HCN1: variants seen among roughly 807,000 people sequenced by gnomAD.
The protein encoded by HCN1 is hyperpolarization activated cyclic nucleotide gated potassium channel 1.
In HCN1, 13 loss-of-function variants were observed where a neutral mutation model predicts 78.9. The observed-to-expected ratio is 0.16, with a 90% confidence interval of 0.11 to 0.26. The LOEUF (loss-of-function observed/expected upper bound fraction) is 0.26. Ranked by LOEUF, HCN1 falls within the 10% of genes least tolerant of loss-of-function variation. The pLI is 1.00. For synonymous variants in HCN1, 552 were observed against 455.5 expected (o/e 1.21, Z -2.70); for missense variants, 810 against 1,154.3 (o/e 0.70, Z 4.32).
chr5:45,374,805 A>T (rs558365297), intron 4 of HCN1, among the ~76,000 whole-genome samples: 25 of 147,640 alleles, frequency 1.7e-4, no homozygotes, highest in East Asian at 5.9e-4. Context: ...TATATATATA[A>T]AACCATATAT....
At chr5:45,549,816 C>T (rs1232073531) in intron 2 of HCN1, among the ~76,000 whole-genome samples, 4 of 152,114 alleles carry the variant, frequency 2.6e-5, no homozygotes, top group African/African-American at 9.7e-5. Context: ...AAGCAAACAA[C>T]CCCATCAAAA....
At chr5:45,666,045 T>C (rs1028362169) in intron 1 of HCN1, among the ~76,000 whole-genome samples, 1 of 152,020 alleles carries the variant, frequency 6.6e-6, no homozygotes, top group Non-Finnish European at 1.5e-5. Context: ...CCATGCCCAA[T>C]TGAGCTTACC....
intron 6 of HCN1, among the ~76,000 whole-genome samples, chr5:45,290,575 A>T (rs1054248387): frequency 1.3e-5 from 2 of 152,102 alleles, no homozygotes; most frequent in Non-Finnish European, 2.9e-5. Context: ...TTGTAAAAAA[A>T]AGACACCATT....
chr5:45,375,920 T>A (rs868509955), intron 4 of HCN1, among the ~76,000 whole-genome samples: 4 of 122,606 alleles, frequency 3.3e-5, no homozygotes, highest in Non-Finnish European at 6.3e-5. Flanking sequence ...ATCTTATATA[T>A]TATATATGAT....
At chr5:45,594,531 A>C (rs1744444345) in intron 2 of HCN1, among the ~76,000 whole-genome samples, 1 of 152,224 alleles carries the variant, frequency 6.6e-6, no homozygotes, top group Admixed American at 6.5e-5. Context: ...ACTGCTATGG[A>C]AAATTCTAAC....
At chr5:45,409,895 G>A (rs751683125) in intron 3 of HCN1, among the ~76,000 whole-genome samples, 1 of 151,354 alleles carries the variant, frequency 6.6e-6, no homozygotes, top group Non-Finnish European at 1.5e-5. Context: ...TTCAAATCTA[G>A]TATGTAAGGA....
chr5:45,394,894 A>C (rs931775862), intron 4 of HCN1, among the ~76,000 whole-genome samples: 1 of 152,200 alleles, frequency 6.6e-6, no homozygotes, highest in Non-Finnish European at 1.5e-5. Flanking sequence ...GGGTTATACT[A>C]GTTTTCTTGT....
At chr5:45,387,352 CT>C (rs1201302672) in intron 4 of HCN1, among the ~76,000 whole-genome samples, 2 of 151,822 alleles carry the variant, frequency 1.3e-5, no homozygotes, top group African/African-American at 4.8e-5. Context: ...TACAAATTTC[CT>C]TTTCTTAAGA....
At chr5:45,352,997 G>A in intron 5 of HCN1, 103 bp downstream of exon 5, 1 of 933,852 alleles carries the variant, frequency 1.1e-6, no homozygotes, top group Non-Finnish European at 1.7e-6. Flanking sequence ...ATCTTAATAA[G>A]TTTAGGTTTT....
chr5:45,607,081 T>A (rs1744739000), intron 2 of HCN1, among the ~76,000 whole-genome samples: 1 of 151,828 alleles, frequency 6.6e-6, no homozygotes. Context: ...CCATGAACAC[T>A]GTTATGCCTT....
chr5:45,325,792 C>T (rs1393789997), intron 5 of HCN1, among the ~76,000 whole-genome samples: 4 of 151,670 alleles, frequency 2.6e-5, no homozygotes, highest in African/African-American at 9.6e-5. Flanking sequence ...TAAAGGATTT[C>T]CCATGATTTC....
intron 2 of HCN1, among the ~76,000 whole-genome samples, chr5:45,512,875 A>G (rs919935392): frequency 6.6e-6 from 1 of 152,156 alleles, no homozygotes; most frequent in Admixed American, 6.6e-5. Flanking sequence ...AAAGGCAAAT[A>G]TGAGGTTTTT....
intron 2 of HCN1, among the ~76,000 whole-genome samples, chr5:45,581,580 C>T (rs1351731970): frequency 6.6e-6 from 1 of 152,162 alleles, no homozygotes; most frequent in Non-Finnish European, 1.5e-5. Flanking sequence ...GTGTTTTAAA[C>T]ATGAAGTCCT....
intron 5 of HCN1, among the ~76,000 whole-genome samples, chr5:45,308,029 A>G (rs961538262): frequency 3.9e-5 from 6 of 152,116 alleles, no homozygotes; most frequent in Non-Finnish European, 1.5e-5. Context: ...TGTTTCAGTC[A>G]TGGGGGAGAA....
intron 2 of HCN1, among the ~76,000 whole-genome samples, chr5:45,520,073 T>C (rs1742585374): frequency 6.6e-6 from 1 of 152,068 alleles, no homozygotes. Flanking sequence ...ATATGGGCAT[T>C]AATCACTATA....
intron 3 of HCN1, among the ~76,000 whole-genome samples, chr5:45,434,498 T>C (rs1446807503): frequency 1.3e-5 from 2 of 152,176 alleles, no homozygotes; most frequent in African/African-American, 2.4e-5. Flanking sequence ...TACTAGAACG[T>C]AGAAATTAAA....
At chr5:45,376,680 T>A (rs139577013) in intron 4 of HCN1, among the ~76,000 whole-genome samples, 1 of 152,032 alleles carries the variant, frequency 6.6e-6, no homozygotes, top group Non-Finnish European at 1.5e-5. Context: ...TATGTTTATA[T>A]CTTCATGAGG....
intron 6 of HCN1, among the ~76,000 whole-genome samples, chr5:45,285,195 C>G (rs184758953): frequency 6.6e-6 from 1 of 151,984 alleles, no homozygotes; most frequent in Non-Finnish European, 1.5e-5. Flanking sequence ...CTTTGACACA[C>G]TACTATTCAA....
At chr5:45,366,343 T>C (rs1215351835) in intron 4 of HCN1, among the ~76,000 whole-genome samples, 1 of 151,840 alleles carries the variant, frequency 6.6e-6, no homozygotes, top group African/African-American at 2.4e-5. Context: ...AGAAATAATA[T>C]ATTCCTAATG....
Sources: gnomAD v4.1 joint callset for allele counts (sites outside exome capture counted in the v4.1 genomes callset) on GRCh38, gnomAD v4.1.1 for gene constraint, MANE v1.5 for transcripts, NCBI Gene and HGNC (gene_info 2026-07-23, HGNC 2026-07-21) for gene names.